Variants in VSIG10 observed in about 807,000 individuals in gnomAD.
VSIG10 encodes the protein V-set and immunoglobulin domain containing 10.
VSIG10 carries 48 observed loss-of-function variants against 58.7 expected under a neutral mutation model. The ratio of observed to expected loss-of-function variants is 0.82; its 90% CI spans 0.65 to 1.04. VSIG10 has a LOEUF of 1.04. VSIG10 is among the 50% of genes least tolerant of loss of function. The pLI is 0.00. For synonymous variants in VSIG10, 260 were observed against 267.1 expected (o/e 0.97, Z 0.26); for missense variants, 628 against 670.0 (o/e 0.94, Z 0.69).
chr12:118,071,449 TC>T lies in VSIG10; in HGVS notation c.1239del (p.Ile414LeufsTer6), dbSNP rs1195210472. ...AGGAGGCTCACAATGGTTCCCACAATCCCCCCGATATTTAAAGGTTCTGTAA... is the reference window on the plus strand; with the variant it reads ...AGGAGGCTCACAATGGTTCCCACAATCCCCCGATATTTAAAGGTTCTGTAA... The part of the protein sequence containing the change: ...LSVKEPLNIG[G>X]IVGTIVSLLL... On this transcript the variant is annotated frameshift_variant, in exon 6 of 9. Transcript: ENST00000359236. LOFTEE classifies it high-confidence loss of function. The T allele has an allele frequency of 6.2e-7, 1 of 1,613,696 alleles. No individual in the cohort carries two copies. Among genetic ancestry groups the T allele is most frequent in the African/African-American group, 1.3e-5 (1 of 74,946 alleles).
Position 118,082,222 on chromosome 12 carries a change from AG to A in VSIG10, c.568del (p.Leu190Ter). The A allele has an allele frequency of 6.2e-7, 1 of 1,613,974 alleles. No individual in the cohort carries two copies. Among genetic ancestry groups the A allele is most frequent in the East Asian group, 2.2e-5 (1 of 44,876 alleles). Reference sequence around the variant, plus strand: ...GTTCCCTTGGAGGTTTGGCGATATCAGTAACAGTGAGAAAAAGTTGACTGTC... The same window carrying A: ...GTTCCCTTGGAGGTTTGGCGATATCATAACAGTGAGAAAAAGTTGACTGTC... Reference protein sequence around the residue: ...NLTVNFFSLLLISPNLQGNYT... With the variant: ...NLTVNFFSLLXISPNLQGNYT... On this transcript the variant is annotated frameshift_variant, in exon 3 of 9. Transcript: ENST00000359236. LOFTEE classifies it high-confidence loss of function.
rs770905285 is a variant in VSIG10, at chr12:118,082,391, C to T, written c.400G>A (p.Gly134Ser). 158 of 1,613,084 alleles carry T rather than the reference C, an allele frequency of 9.8e-5. 2 individuals carry two copies. The highest frequency in any genetic ancestry group is 8.0e-4 in the South Asian group (73 of 91,058). Residue 134 changes from glycine (G) to serine (S), a missense_variant, in exon 3 of 9, where the codon GGC becomes AGC. Gly to Ser is a moderately conservative substitution (Grantham distance 56). Coordinates refer to ENST00000359236, the MANE Select transcript of VSIG10 (RefSeq NM_019086.6). The stretch of plus-strand genomic sequence containing the variant: ...TAGAGGGTGCCGTTGGGGAGTGTGC[C>T]GGTGGCCACGATGTGGACCTCAATC... ...YQIEVHIVAT[G>S]TLPNGTLYAA... is the part of the protein sequence containing the mutation.
chr12:118,087,855 A>G lies in VSIG10; in HGVS notation c.362-5426T>C, dbSNP rs7485886. On this transcript the variant is annotated intron_variant, in intron 2 of 8. Coordinates refer to ENST00000359236, the MANE Select transcript of VSIG10 (RefSeq NM_019086.6). ...CCTGTCTCAAAAAAAAAAAAAAAAA[A>G]AGAGAGAGAAGGAGGTAATGTGACT... Among the ~76,000 whole-genome samples the G allele has an allele frequency of 1.1e-4, 15 of 131,324 alleles. 1 individual carries two copies. The highest frequency in any genetic ancestry group is 2.5e-4 in the Admixed American group (3 of 12,010). The allele number at this position is 131,324 out of a possible 152,430, so 86.2% of individuals were successfully genotyped here.
rs2033424548 is a variant in VSIG10, at chr12:118,095,559, C to A, written c.335G>T (p.Trp112Leu). ...GGCCACCTGCAGCCACACTTGGAAC[C>A]ACTGAGTCACATTCAGGATCTCCTG... ...TCQEILNVTQ[W>L]FQVWLQVASG... Residue 112 changes from tryptophan (W) to leucine (L), a missense_variant, in exon 2 of 9, where the codon TGG becomes TTG. Trp to Leu is a moderately conservative substitution (Grantham distance 61). Transcript: ENST00000359236. 14 of 1,613,964 alleles carry A rather than the reference C, an allele frequency of 8.7e-6. No individual in the cohort carries two copies. The East Asian group carries it at 3.1e-4, about 36-fold the overall frequency.
intron 1 of VSIG10, 109 bp from the exon 2 acceptor site, chr12:118,095,923 CTTTT>C (rs1030344556): frequency 3.8e-3 from 2,823 of 750,782 alleles, no homozygotes; most frequent in East Asian, 5.7e-3. Flanking sequence ...GGTATATGTT[CTTTT>C]TTTTTTTTTT....
At position 118,068,398 on chromosome 12, in the gene VSIG10, T is replaced by C; in HGVS notation, c.1546A>G (p.Asn516Asp). 2 of 1,613,526 alleles carry C rather than the reference T, an allele frequency of 1.2e-6. No individual in the cohort carries two copies. Among genetic ancestry groups the C allele is most frequent in the Non-Finnish European group, 1.7e-6 (2 of 1,179,756 alleles). The change falls in exon 8 of 9, where the codon AAT (asparagine) becomes GAT (aspartate). Residue 516 changes from asparagine to aspartate, a missense_variant. Asn to Asp is a conservative substitution (Grantham distance 23). Transcript: ENST00000359236. Reference protein sequence around the residue: ...LVNGNIEQMGNGFQDLQDDSS... With the variant: ...LVNGNIEQMGDGFQDLQDDSS... Reference sequence around the variant, plus strand: ...TTACCTTGAAGATCCTGGAATCCATTTCCCATCTGTTCTATGTTCCCATTC... The same window carrying C: ...TTACCTTGAAGATCCTGGAATCCATCTCCCATCTGTTCTATGTTCCCATTC...
chr12:118,092,964 CT>C (rs2033340937), intron 2 of VSIG10, among the ~76,000 whole-genome samples: 1 of 151,278 alleles, frequency 6.6e-6, no homozygotes, highest in Non-Finnish European at 1.5e-5. Context: ...CACAAATATC[CT>C]TTTTTTTCCA....
intron 2 of VSIG10, among the ~76,000 whole-genome samples, chr12:118,086,991 G>A (rs1051190463): frequency 5.3e-5 from 8 of 150,968 alleles, no homozygotes; most frequent in African/African-American, 1.7e-4. Context: ...TCAAACTTCC[G>A]ACCTCAGGTG....
Position 118,103,834 on chromosome 12 carries a change from G to C in VSIG10, c.-163C>G. 4.6e-6 allele frequency: 3 copies of C among 655,422 alleles called. No individual in the cohort carries two copies. The highest frequency in any genetic ancestry group is 7.0e-6 in the Non-Finnish European group (3 of 428,640). The allele number at this position is 655,422 out of a possible 1,614,324, so 40.6% of individuals were successfully genotyped here. On this transcript the variant is annotated 5_prime_UTR_variant, in exon 1 of 9. Coordinates refer to ENST00000359236, the MANE Select transcript of VSIG10 (RefSeq NM_019086.6). ...CAGGAAGGATGCTTGGCTGAGCCGA[G>C]TGTCCAGGGCCGGCAGCGGAGCTCG...
chr12:118,073,867 G>A lies in VSIG10; in HGVS notation c.1051C>T (p.Pro351Ser). 6.5e-7 allele frequency: 1 copy of A among 1,532,916 alleles called. No individual in the cohort carries two copies. The highest frequency in any genetic ancestry group is 9.0e-7 in the Non-Finnish European group (1 of 1,107,914). 95.0% of individuals were successfully genotyped at this position (1,532,916 alleles called of 1,614,324 possible). Reference sequence around the variant, plus strand: ...CTGCTAGGCTGGATGATCACCTCGGGCTGGGTAAGGTTCCTCAGCCACAGG... The same window carrying A: ...CTGCTAGGCTGGATGATCACCTCGGACTGGGTAAGGTTCCTCAGCCACAGG... ...KILWLRNLTQ[P>S]EVIIQPSSRH... The change falls in exon 5 of 9, where the codon CCC becomes TCC. Residue 351 changes from proline (P) to serine (S), a missense_variant. Physicochemically the swap from Pro to Ser is moderately conservative, Grantham distance 74 (BLOSUM62 -1). Coordinates refer to ENST00000359236, the MANE Select transcript of VSIG10 (RefSeq NM_019086.6).
rs185146152 is a variant in VSIG10 at position 118,076,291 on chromosome 12, C to G, written c.926-2299G>C. 2.0e-4 allele frequency among the ~76,000 whole-genome samples: 30 copies of G among 151,858 alleles called. No individual in the cohort carries two copies. In the East Asian group the frequency reaches 5.6e-3, roughly 28 times the overall value. ...CCAACCTGCAGCTGCGGGCTAAATT[C>G]GGCCCAGGATGGCTTTGAATGTGAG... On this transcript the variant is annotated intron_variant, in intron 4 of 8. Coordinates refer to ENST00000359236, the MANE Select transcript of VSIG10 (RefSeq NM_019086.6).
intron 1 of VSIG10, among the ~76,000 whole-genome samples, chr12:118,099,915 A>G (rs1592900514): frequency 1.3e-5 from 2 of 152,220 alleles, no homozygotes; most frequent in Non-Finnish European, 2.9e-5. Flanking sequence ...TTTTGGCCAC[A>G]CCATTCCCAA....
chr12:118,093,954 C>T (rs572486799), intron 2 of VSIG10, among the ~76,000 whole-genome samples: 3 of 152,072 alleles, frequency 2.0e-5, no homozygotes, highest in South Asian at 2.1e-4. Flanking sequence ...TAAGAGTGCT[C>T]GCTACACTTG....
Position 118,103,909 on chromosome 12 carries a change from G to C in VSIG10, c.-238C>G. ...CGAGCGCCCTGGCCGGGGAGGGAGG[G>C]CGCACCCCGCCCCCTGCGCCCGCCA... On this transcript the variant is annotated 5_prime_UTR_variant, in exon 1 of 9. Transcript: ENST00000359236. 2.4e-6 allele frequency: 1 copy of C among 408,360 alleles called. No individual in the cohort carries two copies. Among genetic ancestry groups the C allele is most frequent in the Non-Finnish European group, 4.3e-6 (1 of 230,236 alleles). 25.3% of individuals were successfully genotyped at this position (408,360 alleles called of 1,614,324 possible). A position where few individuals can be genotyped will look rare whatever the true frequency, so the allele number is the denominator to read the frequency against.
Position 118,073,988 on chromosome 12 carries a change from A to C in VSIG10, c.930T>G (p.Gly310=). The change falls in exon 5 of 9, where the codon GGT becomes GGG. Residue 310 remains glycine, a synonymous_variant. Coordinates refer to ENST00000359236, the MANE Select transcript of VSIG10 (RefSeq NM_019086.6). The part of the protein sequence containing the change: ...SGASCMVQIR[G]PSLLSEPMKT... Reference sequence around the variant, plus strand: ...TCATGGGCTCAGAGAGAAGGGAGGGACCCCCTGGTGATCAGAAGGTAAACA... The same window carrying C: ...TCATGGGCTCAGAGAGAAGGGAGGGCCCCCCTGGTGATCAGAAGGTAAACA... 6.5e-7 allele frequency: 1 copy of C among 1,548,304 alleles called. No homozygotes were observed. Among genetic ancestry groups the C allele is most frequent in the Non-Finnish European group, 8.7e-7 (1 of 1,146,204 alleles).
In VSIG10 at chr12:118,065,143, C is replaced by G. The variant is rs768151962; in HGVS notation, c.*1496G>C. 6.6e-6 allele frequency: 1 copy of G among 152,214 alleles called. No homozygotes were observed. The highest frequency in any genetic ancestry group is 1.5e-5 in the Non-Finnish European group (1 of 68,040). 9.4% of individuals were successfully genotyped at this position (152,214 alleles called of 1,614,324 possible). ...TCATTCCAAATTTAGTGTTATTGAT[C>G]AGTGTACCCTCAGAATATCCTTAAG... On this transcript the variant is annotated 3_prime_UTR_variant, in exon 9 of 9. Coordinates refer to ENST00000359236, the MANE Select transcript of VSIG10 (RefSeq NM_019086.6).
At chr12:118,094,160 A>G (rs1566176096) in intron 2 of VSIG10, among the ~76,000 whole-genome samples, 1 of 140,502 alleles carries the variant, frequency 7.1e-6, no homozygotes, top group African/African-American at 2.6e-5. Context: ...TGCAGTGGCT[A>G]TTGATAGGTG....
At chr12:118,076,331 T>A (rs2032724345) in intron 4 of VSIG10, among the ~76,000 whole-genome samples, 1 of 151,638 alleles carries the variant, frequency 6.6e-6, no homozygotes. Context: ...TTTTTGTTTA[T>A]CTGTGTGATG....
At chr12:118,077,299 C>G (rs2032767796) in intron 4 of VSIG10, among the ~76,000 whole-genome samples, 1 of 152,188 alleles carries the variant, frequency 6.6e-6, no homozygotes. Flanking sequence ...CCAGCTCCTT[C>G]TCATTCTAAG....
Sources: gnomAD v4.1 joint callset for allele counts (sites outside exome capture counted in the v4.1 genomes callset) on GRCh38, gnomAD v4.1.1 for gene constraint, MANE v1.5 for transcripts, NCBI Gene and HGNC (gene_info 2026-07-23, HGNC 2026-07-21) for gene names.